The following BRDT variants were observed in gnomAD, a reference collection of about 807,000 sequenced individuals.
The protein encoded by BRDT is bromodomain testis associated.
A neutral mutation model predicts 113.9 loss-of-function variants in BRDT; 77 were observed. That is an observed-to-expected ratio of 0.68 (90% CI 0.56 to 0.82). BRDT has a LOEUF of 0.82. Ranked by LOEUF, BRDT falls within the 40% of genes least tolerant of loss-of-function variation. The pLI is 0.00. For synonymous variants in BRDT, 358 were observed against 366.5 expected, an observed-to-expected ratio of 0.98 and a Z score of 0.26; for missense variants, 1,027 against 1,105.4, an observed-to-expected ratio of 0.93 and a Z score of 1.01.
chr1:91,967,497 C>T (rs1002942334), intron 3 of BRDT, among the ~76,000 whole-genome samples: 8 of 152,196 alleles, frequency 5.3e-5, no homozygotes, highest in Non-Finnish European at 1.0e-4. Flanking sequence ...CTCCCGGGTT[C>T]AAGCAATTCT....
At chr1:92,010,562 C>T (rs1345222999) in intron 18 of BRDT, among the ~76,000 whole-genome samples, 1 of 152,098 alleles carries the variant, frequency 6.6e-6, no homozygotes, top group African/African-American at 2.4e-5. Flanking sequence ...GTTAGGATTA[C>T]AGGCATGAGC....
chr1:91,988,772 T>A (rs375743716), intron 12 of BRDT, among the ~76,000 whole-genome samples: 13 of 152,154 alleles, frequency 8.5e-5, no homozygotes, highest in African/African-American at 2.9e-4. Flanking sequence ...TGGCTGTAGT[T>A]TGGTAGTGAA....
At chr1:92,001,019 C>G (rs148829814) in intron 15 of BRDT, among the ~76,000 whole-genome samples, 1 of 152,138 alleles carries the variant, frequency 6.6e-6, no homozygotes, top group Non-Finnish European at 1.5e-5. Context: ...GTTTCACATC[C>G]CTGTTCCCTT....
chr1:91,969,654 AATT>A (rs779772336), intron 4 of BRDT, among the ~76,000 whole-genome samples: 11 of 152,076 alleles, frequency 7.2e-5, no homozygotes, highest in Non-Finnish European at 1.3e-4. Flanking sequence ...GCAAGATAAA[AATT>A]ATTATTTTTT....
chr1:91,985,930 G>A (rs893626498), intron 12 of BRDT, among the ~76,000 whole-genome samples: 5 of 152,148 alleles, frequency 3.3e-5, no homozygotes, highest in Non-Finnish European at 4.4e-5. Context: ...GAGCCACCGC[G>A]CCCGGCCCAA....
Position 91,992,412 on chromosome 1 carries a change from C to CA in BRDT, c.2115+116dup, listed in dbSNP as rs55996004. The CA allele has an allele frequency of 6.6e-3, 1,192 of 179,954 alleles. 4 individuals are homozygous for CA. Among genetic ancestry groups the CA allele is most frequent in the African/African-American group, 0.016 (498 of 30,542 alleles). The allele number at this position is 179,954 out of a possible 1,614,324, so 11.1% of individuals were successfully genotyped here. A position where few individuals can be genotyped will look rare whatever the true frequency, so the allele number is the denominator to read the frequency against. On this transcript the variant is annotated intron_variant, in intron 14 of 18. Transcript: ENST00000399546. Reference sequence around the variant, plus strand: ...AAATAAGTAATAGCATGAAGAGAGGCAAAAAAAAAAAAAAAAAACCACAGC... The same window carrying CA: ...AAATAAGTAATAGCATGAAGAGAGGCAAAAAAAAAAAAAAAAAAACCACAGC...
At chr1:91,960,969 A>G (rs1414409973) in intron 1 of BRDT, among the ~76,000 whole-genome samples, 1 of 152,228 alleles carries the variant, frequency 6.6e-6, no homozygotes, top group Non-Finnish European at 1.5e-5. Flanking sequence ...AGATGTAGCA[A>G]TATGTGCCAC....
chr1:91,956,771 C>T (rs7523275), intron 1 of BRDT, among the ~76,000 whole-genome samples: 148,805 of 152,082 alleles, frequency 0.98, 72,865 homozygotes, highest in East Asian at 1. Flanking sequence ...GACTCTGGCT[C>T]CCCCCCTTTC....
At chr1:91,951,947 G>A (rs1681138923) in intron 1 of BRDT, among the ~76,000 whole-genome samples, 1 of 152,214 alleles carries the variant, frequency 6.6e-6, no homozygotes, top group South Asian at 2.1e-4. Context: ...ACTTTGGGAG[G>A]CCAAGGTCAG....
intron 12 of BRDT, among the ~76,000 whole-genome samples, chr1:91,985,964 T>C (rs1475107499): frequency 6.6e-6 from 1 of 152,192 alleles, no homozygotes; most frequent in Non-Finnish European, 1.5e-5. Context: ...GAGAGCTCTA[T>C]GGACTGGAAT....
At chr1:92,012,292 C>T (rs55943688) in intron 18 of BRDT, among the ~76,000 whole-genome samples, 9,917 of 144,582 alleles carry the variant, frequency 0.069, 387 homozygotes, top group African/African-American at 0.099. Context: ...AGCAAAACTC[C>T]ATCTAGAAAA....
At chr1:91,954,589 A>G (rs1477884008) in intron 1 of BRDT, among the ~76,000 whole-genome samples, 1 of 152,128 alleles carries the variant, frequency 6.6e-6, no homozygotes, top group Non-Finnish European at 1.5e-5. Flanking sequence ...CCATCTTTCT[A>G]GAGATATATC....
chr1:91,965,726 A>C (rs1682989860), intron 3 of BRDT, among the ~76,000 whole-genome samples: 1 of 152,106 alleles, frequency 6.6e-6, no homozygotes, highest in African/African-American at 2.4e-5. Context: ...ATGTGCCTGT[A>C]GTCCCAGCTA....
chr1:91,977,463 T>A lies in BRDT; in HGVS notation c.969+70T>A, dbSNP rs1244346102. The A allele has an allele frequency of 4.8e-6, 6 of 1,250,832 alleles. No homozygotes were observed. In the African/African-American group the frequency reaches 9.1e-5, roughly 19 times the overall value. The allele number at this position is 1,250,832 out of a possible 1,614,324, so 77.5% of individuals were successfully genotyped here. A position where few individuals can be genotyped will look rare whatever the true frequency, so the allele number is the denominator to read the frequency against. On this transcript the variant is annotated intron_variant, in intron 6 of 18. Transcript: ENST00000399546. ...AAAGTAATTCATCATTGCAAAGAAA[T>A]CTTAAAATCTAGAAAAAGATGAAGG...
chr1:92,000,069 A>G (rs1045112394), intron 15 of BRDT, among the ~76,000 whole-genome samples: 12 of 152,196 alleles, frequency 7.9e-5, no homozygotes, highest in Admixed American at 5.9e-4. Flanking sequence ...TTTGTTTGGT[A>G]GAGATGGGAT....
chr1:91,996,527 G>A (rs1314786291), intron 15 of BRDT, among the ~76,000 whole-genome samples: 1 of 152,170 alleles, frequency 6.6e-6, no homozygotes, highest in Non-Finnish European at 1.5e-5. Flanking sequence ...GATTACAGGC[G>A]TGAGCCACCA....
At chr1:91,979,929 A>C (rs906284023) in intron 8 of BRDT, among the ~76,000 whole-genome samples, 172 bp downstream of exon 8, 3 of 152,178 alleles carry the variant, frequency 2.0e-5, no homozygotes, top group Non-Finnish European at 4.4e-5. Flanking sequence ...AATATTTATT[A>C]TCATAAAAAT....
chr1:91,976,857 G>T (rs1306724661), intron 5 of BRDT, among the ~76,000 whole-genome samples, 186 bp from the exon 6 acceptor site: 1 of 152,116 alleles, frequency 6.6e-6, no homozygotes, highest in African/African-American at 2.4e-5. Context: ...GAACTATTTA[G>T]TTTGCCTACA....
At chr1:91,975,602 C>T (rs1383190083) in intron 4 of BRDT, among the ~76,000 whole-genome samples, 3 of 152,038 alleles carry the variant, frequency 2.0e-5, no homozygotes, top group South Asian at 2.1e-4. Flanking sequence ...GGTTTGCTGG[C>T]GGGTTGGATA....
Sources: allele counts gnomAD v4.1 joint callset (sites outside exome capture counted in the v4.1 genomes callset), GRCh38; gene constraint gnomAD v4.1.1; transcripts MANE v1.5; gene names NCBI Gene and HGNC (gene_info 2026-07-23, HGNC 2026-07-21).